The following GPR63 variants were observed in gnomAD, a reference collection of about 807,000 sequenced individuals.
The protein encoded by GPR63 is G protein-coupled receptor 63, also known as probable G protein-coupled receptor 63.
In GPR63, 12 loss-of-function variants were observed where a neutral mutation model predicts 23.1. That is an observed-to-expected ratio of 0.52 (90% confidence interval 0.33 to 0.84). The LOEUF is 0.84. Ranked by LOEUF, GPR63 falls within the 40% of genes least tolerant of loss-of-function variation. The pLI is 0.02. For synonymous variants in GPR63, 172 were observed against 191.1 expected (o/e 0.90, Z 0.82); for missense variants, 472 against 515.6 (o/e 0.92, Z 0.82).
In GPR63 at chr6:96,795,111, G is replaced by A. The variant is rs544489178; in HGVS notation, c.*3361C>T. On this transcript the variant is annotated 3_prime_UTR_variant, in exon 2 of 2. Transcript: ENST00000229955. ...CAATAAAATAAAAATGCACATTCCTGGGCTCAACCACAGACCCTCTGGAGG... is the reference window on the plus strand; with the variant it reads ...CAATAAAATAAAAATGCACATTCCTAGGCTCAACCACAGACCCTCTGGAGG... 1.1e-4 allele frequency: 17 copies of A among 152,276 alleles called. No homozygotes were observed. The highest frequency in any genetic ancestry group is 3.4e-4 in the African/African-American group (14 of 41,550). 9.4% of individuals were successfully genotyped at this position (152,276 alleles called of 1,614,324 possible).
intron 1 of GPR63, among the ~76,000 whole-genome samples, chr6:96,810,163 G>A (rs557041418): frequency 6.6e-6 from 1 of 152,210 alleles, no homozygotes; most frequent in East Asian, 1.9e-4. Flanking sequence ...ACTTCACAGT[G>A]AAAAACTCAA....
intron 1 of GPR63, among the ~76,000 whole-genome samples, chr6:96,813,256 G>A (rs537679413): frequency 2.8e-4 from 42 of 152,204 alleles, no homozygotes; most frequent in African/African-American, 9.9e-4. Context: ...GGACATTTAG[G>A]TTGATTCCAC....
intron 1 of GPR63, among the ~76,000 whole-genome samples, chr6:96,810,355 G>T (rs186291825): frequency 1.2e-4 from 19 of 152,160 alleles, no homozygotes; most frequent in Admixed American, 7.9e-4. Context: ...AATTAGCTGG[G>T]TGTGGTGGCG....
At chr6:96,819,930 C>G (rs1247338270) in intron 1 of GPR63, among the ~76,000 whole-genome samples, 1 of 145,272 alleles carries the variant, frequency 6.9e-6, no homozygotes, top group African/African-American at 2.5e-5. Context: ...GAGCTGATAT[C>G]GCTCACTGCA....
intron 1 of GPR63, among the ~76,000 whole-genome samples, chr6:96,817,561 TA>T (rs1380533134): frequency 6.6e-6 from 1 of 152,164 alleles, no homozygotes; most frequent in Non-Finnish European, 1.5e-5. Context: ...AGTATATTCC[TA>T]GAAGCATTAT....
At chr6:96,820,430 A>G (rs974837722) in intron 1 of GPR63, among the ~76,000 whole-genome samples, 1 of 152,184 alleles carries the variant, frequency 6.6e-6, no homozygotes, top group Admixed American at 6.5e-5. Context: ...GTTATCCCCT[A>G]AAGAATAAAA....
At chr6:96,832,334 G>A (rs776091523) in intron 1 of GPR63, among the ~76,000 whole-genome samples, 23 of 151,874 alleles carry the variant, frequency 1.5e-4, no homozygotes, top group Non-Finnish European at 2.6e-4. Context: ...GTATGATCAC[G>A]GCTCACTGCA....
intron 1 of GPR63, among the ~76,000 whole-genome samples, chr6:96,809,898 ATGAAAG>A (rs1267736076): frequency 6.6e-6 from 1 of 152,322 alleles, no homozygotes; most frequent in Admixed American, 6.5e-5. Flanking sequence ...AATAAGATAG[ATGAAAG>A]TGAATTATAA....
chr6:96,825,258 G>A (rs1302716476), intron 1 of GPR63, among the ~76,000 whole-genome samples: 3 of 151,970 alleles, frequency 2.0e-5, no homozygotes, highest in Non-Finnish European at 4.4e-5. Context: ...TTGTATAATA[G>A]GTAATGAAAC....
chr6:96,817,260 A>T (rs1429900428), intron 1 of GPR63, among the ~76,000 whole-genome samples: 1 of 152,242 alleles, frequency 6.6e-6, no homozygotes, highest in Non-Finnish European at 1.5e-5. Flanking sequence ...CAACATATGT[A>T]AACATGTTCT....
chr6:96,823,872 C>T (rs1254695012), intron 1 of GPR63, among the ~76,000 whole-genome samples: 1 of 152,112 alleles, frequency 6.6e-6, no homozygotes, highest in East Asian at 1.9e-4. Flanking sequence ...GGTTTGTAGC[C>T]CAGAGACAAT....
chr6:96,800,313 T>A (rs1773729178), intron 1 of GPR63, among the ~76,000 whole-genome samples: 1 of 152,160 alleles, frequency 6.6e-6, no homozygotes, highest in Non-Finnish European at 1.5e-5. Flanking sequence ...TACAAGTTCT[T>A]ACTCTAATTT....
rs547405601 is a variant in GPR63 at position 96,829,038 on chromosome 6, AAAT to A, written c.-151+8227_-151+8229del. On this transcript the variant is annotated intron_variant, in intron 1 of 1. Coordinates refer to ENST00000229955, the MANE Select transcript of GPR63 (RefSeq NM_030784.4). ...AGTAAAAGGTGAATTAACCAGATGA[AAAT>A]AATAAATCCATAATTATAATCTCTC... Among the ~76,000 whole-genome samples, 627 of 152,366 alleles carry A rather than the reference AAAT, an allele frequency of 4.1e-3. 3 individuals are homozygous for A. Among genetic ancestry groups the A allele is most frequent in the Middle Eastern group, 0.017 (5 of 294 alleles).
Position 96,807,685 on chromosome 6 carries a change from G to T in GPR63, c.-150-7804C>A, listed in dbSNP as rs529903191. The stretch of plus-strand genomic sequence containing the variant: ...TCAAAAACAAAACTCTTAAAATTTT[G>T]TTTTTTAAGTATCCAGAAGCATAAA... On this transcript the variant is annotated intron_variant, in intron 1 of 1. Coordinates refer to ENST00000229955, the MANE Select transcript of GPR63 (RefSeq NM_030784.4). Among the ~76,000 whole-genome samples, 7 of 152,184 alleles carry T rather than the reference G, an allele frequency of 4.6e-5. No homozygotes were observed. The South Asian group carries it at 1.2e-3, about 27-fold the overall frequency.
rs578000499 is a variant in GPR63 at position 96,830,691 on chromosome 6, A to G, written c.-151+6577T>C. ...ACCAAATTCTAAAAATGAAAAATGC[A>G]AATATAACTGCATTCACTTGGAACA... On this transcript the variant is annotated intron_variant, in intron 1 of 1. Coordinates refer to ENST00000229955, the MANE Select transcript of GPR63 (RefSeq NM_030784.4). Among the ~76,000 whole-genome samples the G allele has an allele frequency of 2.0e-5, 3 of 152,354 alleles. No homozygotes were observed. The South Asian group carries it at 6.2e-4, about 32-fold the overall frequency.
rs11963782 is a variant in GPR63, at chr6:96,803,436, G to T, written c.-150-3555C>A. Among the ~76,000 whole-genome samples, 1,285 of 152,224 alleles carry T rather than the reference G, an allele frequency of 8.4e-3. 19 individuals carry two copies. The highest frequency in any genetic ancestry group is 0.029 in the African/African-American group (1,198 of 41,536). ...TCTAAGAAATAAAGAGTTTAACAAA[G>T]AAATTAAACAAAAGCATTTTTGTAG... On this transcript the variant is annotated intron_variant, in intron 1 of 1. Transcript: ENST00000229955.
In GPR63 at chr6:96,810,497, GAAA is replaced by G. The variant is rs5878448; in HGVS notation, c.-150-10619_-150-10617del. ...GCGACAGTGCGAGACTCCGTCCCAGGAAAAAAAAAAAAAAAAGATAACAGTTAA... is the reference window on the plus strand; with the variant it reads ...GCGACAGTGCGAGACTCCGTCCCAGGAAAAAAAAAAAAAGATAACAGTTAA... On this transcript the variant is annotated intron_variant, in intron 1 of 1. Transcript: ENST00000229955. 1.0e-2 allele frequency among the ~76,000 whole-genome samples: 1,262 copies of G among 126,730 alleles called. 19 individuals are homozygous for G. Among genetic ancestry groups the G allele is most frequent in the African/African-American group, 0.034 (1,149 of 33,834 alleles). The allele number at this position is 126,730 out of a possible 152,430, so 83.1% of individuals were successfully genotyped here.
chr6:96,823,691 T>C (rs556221927), intron 1 of GPR63, among the ~76,000 whole-genome samples: 1 of 152,234 alleles, frequency 6.6e-6, no homozygotes, highest in South Asian at 2.1e-4. Flanking sequence ...CACTCACTCA[T>C]TGACAGAGTA....
rs1213568064 is a variant in GPR63, at chr6:96,807,041, TC to T, written c.-150-7161del. Among the ~76,000 whole-genome samples, 3 of 152,384 alleles carry T rather than the reference TC, an allele frequency of 2.0e-5. No homozygotes were observed. The East Asian group carries it at 5.8e-4, about 29-fold the overall frequency. ...CATTTTGAATAGTATACTTGGTTGTTCATTTTGACAAATTCATGCCAGAGAT... is the reference window on the plus strand; with the variant it reads ...CATTTTGAATAGTATACTTGGTTGTTATTTTGACAAATTCATGCCAGAGAT... On this transcript the variant is annotated intron_variant, in intron 1 of 1. Coordinates refer to ENST00000229955, the MANE Select transcript of GPR63 (RefSeq NM_030784.4).
Sources: gnomAD v4.1 joint callset for allele counts (sites outside exome capture counted in the v4.1 genomes callset) on GRCh38, gnomAD v4.1.1 for gene constraint, MANE v1.5 for transcripts, NCBI Gene and HGNC (gene_info 2026-07-23, HGNC 2026-07-21) for gene names.